The following CCDC7 variants were observed in gnomAD, a reference collection of about 807,000 sequenced individuals.
CCDC7 encodes coiled-coil domain containing 7.
CCDC7 carries 183 observed loss-of-function variants against 196.9 expected under a neutral mutation model. The observed-to-expected ratio is 0.93, with a 90% confidence interval of 0.82 to 1.05. CCDC7 has a LOEUF of 1.05. Among genes scored for constraint, CCDC7 ranks in the 50% least tolerant of loss-of-function variants. The pLI, the probability that CCDC7 is intolerant of heterozygous loss-of-function variation, is 0.00. For synonymous variants in CCDC7, 525 were observed against 484.6 expected (o/e 1.08, Z -1.10); for missense variants, 1,540 against 1,482.2 (o/e 1.04, Z -0.64).
At chr10:32,657,568 G>T (rs985636845) in intron 20 of CCDC7, among the ~76,000 whole-genome samples, 1 of 152,214 alleles carries the variant, frequency 6.6e-6, no homozygotes, top group African/African-American at 2.4e-5. Context: ...GGGATGTAGG[G>T]CACCATGTCC....
intron 18 of CCDC7, among the ~76,000 whole-genome samples, chr10:32,593,234 T>C (rs977732949): frequency 9.9e-5 from 15 of 152,184 alleles, no homozygotes; most frequent in African/African-American, 3.6e-4. Context: ...TTTTAATGAT[T>C]GCCATTCTAA....
rs140718952 is a variant in CCDC7 at position 32,485,958 on chromosome 10, A to G, written c.797-5964A>G. 5.0e-3 allele frequency among the ~76,000 whole-genome samples: 760 copies of G among 152,306 alleles called. 6 individuals are homozygous for G. Among genetic ancestry groups the G allele is most frequent in the African/African-American group, 0.017 (723 of 41,564 alleles). On this transcript the variant is annotated intron_variant, in intron 8 of 41. Coordinates refer to ENST00000639629, the Ensembl canonical transcript of CCDC7. Reference sequence around the variant, plus strand: ...GGAATAAGTGCTGTGTGGTGCTGAGAAGATTGTATATTCGGTTGATTTGGG... The same window carrying G: ...GGAATAAGTGCTGTGTGGTGCTGAGGAGATTGTATATTCGGTTGATTTGGG...
chr10:32,719,637 T>C (rs1220119998), intron 25 of CCDC7, among the ~76,000 whole-genome samples: 1 of 152,160 alleles, frequency 6.6e-6, no homozygotes, highest in Non-Finnish European at 1.5e-5. Context: ...AAAGGACTAA[T>C]ATCCAGAATC....
intron 16 of CCDC7, among the ~76,000 whole-genome samples, chr10:32,579,924 C>T (rs1250031184): frequency 2.0e-5 from 3 of 151,972 alleles, no homozygotes; most frequent in Non-Finnish European, 4.4e-5. Flanking sequence ...AAAGCTGTAA[C>T]ATACACGAGT....
intron 24 of CCDC7, among the ~76,000 whole-genome samples, chr10:32,707,987 A>G (rs1056767175): frequency 2.0e-5 from 3 of 152,244 alleles, no homozygotes; most frequent in Non-Finnish European, 2.9e-5. Context: ...AGTTCATATG[A>G]AACCAAAAAA....
At chr10:32,776,057 C>T (rs2079982837) in intron 28 of CCDC7, among the ~76,000 whole-genome samples, 1 of 147,254 alleles carries the variant, frequency 6.8e-6, no homozygotes, top group South Asian at 2.3e-4. Context: ...CGCATATTCT[C>T]ACTCATAGGT....
At chr10:32,529,488 C>T (rs925409918) in intron 11 of CCDC7, among the ~76,000 whole-genome samples, 5 of 152,060 alleles carry the variant, frequency 3.3e-5, no homozygotes, top group African/African-American at 1.2e-4. Flanking sequence ...GGTGGTATTG[C>T]ATTGTGGTTT....
chr10:32,544,131 A>AT (rs201760346), intron 12 of CCDC7, 116 bp from the exon 14 acceptor site: 19 of 835,062 alleles, frequency 2.3e-5, no homozygotes, highest in Admixed American at 1.5e-4. Context: ...AGAAATATGA[A>AT]TTTTTTTAAA....
At chr10:32,647,849 ATTTTTG>A (rs1007812697) in intron 20 of CCDC7, among the ~76,000 whole-genome samples, 17 of 152,148 alleles carry the variant, frequency 1.1e-4, no homozygotes, top group African/African-American at 3.1e-4. Context: ...CTACTTGTCT[ATTTTTG>A]TTTTTGTTGC....
chr10:32,553,584 C>T (rs551124773), intron 13 of CCDC7, among the ~76,000 whole-genome samples: 1 of 152,214 alleles, frequency 6.6e-6, no homozygotes, highest in South Asian at 2.1e-4. Context: ...GGCTGTTGTT[C>T]AAATTCTTTT....
intron 18 of CCDC7, among the ~76,000 whole-genome samples, chr10:32,591,235 C>CT (rs1020149771): frequency 2.0e-5 from 3 of 151,580 alleles, no homozygotes; most frequent in African/African-American, 7.3e-5. Context: ...GTTTTTTATT[C>CT]TTTTTTCTCC....
At chr10:32,854,844 G>A (rs965005940) in intron 41 of CCDC7, among the ~76,000 whole-genome samples, 2 of 151,884 alleles carry the variant, frequency 1.3e-5, no homozygotes, top group Non-Finnish European at 2.9e-5. Context: ...TTTTATCATC[G>A]TTTTTTGCCA....
At chr10:32,865,508 G>A (rs2094171861) in intron 41 of CCDC7, among the ~76,000 whole-genome samples, 1 of 151,818 alleles carries the variant, frequency 6.6e-6, no homozygotes, top group South Asian at 2.1e-4. Flanking sequence ...GCTGGTAAGG[G>A]TGTAAAATGG....
chr10:32,447,032 T>G (rs2031466742), upstream of CCDC7, among the ~76,000 whole-genome samples: 1 of 151,842 alleles, frequency 6.6e-6, no homozygotes, highest in South Asian at 2.1e-4. Flanking sequence ...TATACACTTG[T>G]TCTTTTTTCC....
intron 28 of CCDC7, among the ~76,000 whole-genome samples, chr10:32,763,212 T>C (rs1376742678): frequency 6.6e-6 from 1 of 151,900 alleles, no homozygotes; most frequent in Non-Finnish European, 1.5e-5. Flanking sequence ...AGAACCTAAA[T>C]AGACATTTTT....
At chr10:32,605,475 A>G (rs1206397604) in intron 18 of CCDC7, among the ~76,000 whole-genome samples, 2 of 152,188 alleles carry the variant, frequency 1.3e-5, no homozygotes, top group Non-Finnish European at 2.9e-5. Flanking sequence ...GGAGTTTGGA[A>G]CTTCGTAGAG....
intron 41 of CCDC7, among the ~76,000 whole-genome samples, chr10:32,867,695 A>C (rs1159279626): frequency 6.6e-6 from 1 of 151,776 alleles, no homozygotes; most frequent in Non-Finnish European, 1.5e-5. Context: ...CTAAATAGAA[A>C]TAATTCTCAT....
intron 29 of CCDC7, among the ~76,000 whole-genome samples, chr10:32,796,029 C>G (rs1460149412): frequency 6.6e-6 from 1 of 152,192 alleles, no homozygotes; most frequent in East Asian, 1.9e-4. Context: ...GGCCAAGTTA[C>G]AGAGCAGTTT....
At chr10:32,455,003 T>A (rs1490097268) in intron 2 of CCDC7, among the ~76,000 whole-genome samples, 1 of 152,202 alleles carries the variant, frequency 6.6e-6, no homozygotes, top group Non-Finnish European at 1.5e-5. Flanking sequence ...CACACGTACT[T>A]AACTCTCTTG....
Sources: allele counts gnomAD v4.1 joint callset (sites outside exome capture counted in the v4.1 genomes callset), GRCh38; gene constraint gnomAD v4.1.1; transcripts MANE v1.5; gene names NCBI Gene and HGNC (gene_info 2026-07-23, HGNC 2026-07-21).